HIPK3: variants seen among roughly 807,000 people sequenced by gnomAD.
HIPK3 encodes homeodomain interacting protein kinase 3.
HIPK3 carries 47 observed loss-of-function variants against 124.2 expected under a neutral mutation model. The observed-to-expected ratio is 0.38, with a 90% CI of 0.30 to 0.48. HIPK3 has a LOEUF of 0.48. HIPK3 is among the 20% of genes least tolerant of loss of function. HIPK3 has a pLI of 0.98. For synonymous variants in HIPK3, 482 were observed against 515.2 expected (o/e 0.94, Z 0.87); for missense variants, 1,286 against 1,454.3 (o/e 0.88, Z 1.88).
In HIPK3 at chr11:33,349,216, T is replaced by C. The variant is rs1345943443; in HGVS notation, c.2736T>C (p.Ser912=). ...TLNIDRMCSL[S]SPDSTLSTSS... ...ATATTGATCGGATGTGTTCATTAAG[T>C]AGTCCTGATAGTACTCTGAGTACCA... Residue 912 remains serine, a synonymous_variant, in exon 14 of 17, where the codon AGT becomes AGC. Transcript: ENST00000303296. 6.2e-7 allele frequency: 1 copy of C among 1,613,480 alleles called. No individual in the cohort carries two copies. Among genetic ancestry groups the C allele is most frequent in the Non-Finnish European group, 8.5e-7 (1 of 1,179,500 alleles).
chr11:33,302,499 G>A (rs537469088), intron 2 of HIPK3, among the ~76,000 whole-genome samples: 1 of 152,020 alleles, frequency 6.6e-6, no homozygotes, highest in East Asian at 1.9e-4. Context: ...ATCACACCTG[G>A]CTAATTTTTG....
intron 2 of HIPK3, among the ~76,000 whole-genome samples, chr11:33,321,674 G>A (rs1470280569): frequency 6.6e-6 from 1 of 152,180 alleles, no homozygotes; most frequent in Non-Finnish European, 1.5e-5. Flanking sequence ...GTGGATGTTT[G>A]AAAAGAGGAA....
At chr11:33,297,700 T>G (rs1024771806) in intron 2 of HIPK3, among the ~76,000 whole-genome samples, 1 of 151,904 alleles carries the variant, frequency 6.6e-6, no homozygotes, top group African/African-American at 2.4e-5. Context: ...AACAGCTTTA[T>G]ATTGTAAGAT....
chr11:33,319,020 T>G (rs1397183181), intron 2 of HIPK3, among the ~76,000 whole-genome samples: 1 of 152,222 alleles, frequency 6.6e-6, no homozygotes, highest in Admixed American at 6.5e-5. Flanking sequence ...GGCAGTGTAT[T>G]TGTTATCTGT....
rs993776286 is a variant in HIPK3 at position 33,257,579 on chromosome 11, C to A, written c.-313C>A. 1.7e-5 allele frequency: 17 copies of A among 985,952 alleles called. No individual in the cohort carries two copies. Among genetic ancestry groups the A allele is most frequent in the Non-Finnish European group, 8.4e-6 (7 of 830,294 alleles). The allele number at this position is 985,952 out of a possible 1,614,324, so 61.1% of individuals were successfully genotyped here. ...CAGTAGCCGGAGGCCGACCGGCCTC[C>A]CACTACCCCTCGCCCTAGCCAAGCC... On this transcript the variant is annotated 5_prime_UTR_variant, in exon 1 of 17. Transcript: ENST00000303296.
At chr11:33,257,340 G>GGCCGAC (rs1850691670), upstream of HIPK3, 6 of 984,458 alleles carry the variant, frequency 6.1e-6, no homozygotes, top group African/African-American at 1.8e-5. Context: ...CGGTGGCCGA[G>GGCCGAC]GCCGACGAGC....
intron 1 of HIPK3, among the ~76,000 whole-genome samples, chr11:33,266,076 A>T (rs1207435547): frequency 6.7e-6 from 1 of 150,140 alleles, no homozygotes; most frequent in Admixed American, 6.7e-5. Context: ...AAAAAAAAAA[A>T]GAAAACAAAC....
At chr11:33,271,161 A>G (rs1050048974) in intron 1 of HIPK3, among the ~76,000 whole-genome samples, 7 of 152,216 alleles carry the variant, frequency 4.6e-5, no homozygotes, top group African/African-American at 1.7e-4. Flanking sequence ...ATAGCATTCT[A>G]AGTGTTTGTT....
chr11:33,269,979 G>T (rs550655857), intron 1 of HIPK3, among the ~76,000 whole-genome samples: 1 of 151,906 alleles, frequency 6.6e-6, no homozygotes, highest in South Asian at 2.1e-4. Flanking sequence ...CCTGTATATG[G>T]TTTTTTATTA....
chr11:33,328,714 G>A lies in HIPK3; in HGVS notation c.1221+81G>A, dbSNP rs867124404. Reference sequence around the variant, plus strand: ...CTTACAGGAACACATGGCTGCAGGTGTACAATACACTGGAAAGTCTTTTTA... The same window carrying A: ...CTTACAGGAACACATGGCTGCAGGTATACAATACACTGGAAAGTCTTTTTA... On this transcript the variant is annotated intron_variant, in intron 3 of 16. Transcript: ENST00000303296. 4 of 1,263,054 alleles carry A rather than the reference G, an allele frequency of 3.2e-6. No individual in the cohort carries two copies. The South Asian group carries it at 4.2e-5, about 13-fold the overall frequency. The allele number at this position is 1,263,054 out of a possible 1,614,324, so 78.2% of individuals were successfully genotyped here.
intron 4 of HIPK3, among the ~76,000 whole-genome samples, chr11:33,338,524 G>T (rs933500423): frequency 1.5e-4 from 23 of 152,190 alleles, no homozygotes; most frequent in African/African-American, 5.5e-4. Context: ...GAGCCGCCGT[G>T]CCCGGCCTAG....
intron 2 of HIPK3, among the ~76,000 whole-genome samples, chr11:33,314,109 A>T (rs572991697): frequency 6.6e-6 from 1 of 152,324 alleles, no homozygotes; most frequent in South Asian, 2.1e-4. Context: ...GGTATGAGCC[A>T]CTGCACCTGG....
intron 3 of HIPK3, among the ~76,000 whole-genome samples, chr11:33,336,002 C>T (rs968076446): frequency 5.3e-5 from 8 of 152,096 alleles, no homozygotes; most frequent in South Asian, 4.2e-4. Flanking sequence ...AAAATTCTTC[C>T]GTTCATGGAA....
chr11:33,340,888 TTTTTA>T, intron 6 of HIPK3, 75 bp from the exon 7 acceptor site: 3 of 821,932 alleles, frequency 3.6e-6, no homozygotes, highest in Non-Finnish European at 1.8e-6. Context: ...AGGAATAATT[TTTTTA>T]TTTTGTCAAT....
chr11:33,347,768 A>G lies in HIPK3; in HGVS notation c.2144+15A>G, dbSNP rs748122147. The G allele has an allele frequency of 3.7e-6, 6 of 1,613,174 alleles. No individual in the cohort carries two copies. Among genetic ancestry groups the G allele is most frequent in the Middle Eastern group, 1.6e-4 (1 of 6,076 alleles). Reference sequence around the variant, plus strand: ...GGAGACTGGGGGTAAGCTGAAAACAAAAGTACTTTGTGAATAGTTTGCAGA... The same window carrying G: ...GGAGACTGGGGGTAAGCTGAAAACAGAAGTACTTTGTGAATAGTTTGCAGA... On this transcript the variant is annotated intron_variant, in intron 10 of 16. Transcript: ENST00000303296.
intron 2 of HIPK3, among the ~76,000 whole-genome samples, chr11:33,319,856 T>C (rs1404125719): frequency 6.6e-6 from 1 of 152,214 alleles, no homozygotes; most frequent in African/African-American, 2.4e-5. Flanking sequence ...TATCAGTTAA[T>C]GACAAGTGCT....
rs1235109350 is a variant in HIPK3, at chr11:33,261,612, C to T, written c.-3+3723C>T. ...GTAGCATATTTTTAAAAAATCGAGT[C>T]TTCCCATTGATGAACATTTAGGTTG... On this transcript the variant is annotated intron_variant, in intron 1 of 16. Transcript: ENST00000303296. 2.6e-5 allele frequency among the ~76,000 whole-genome samples: 4 copies of T among 152,136 alleles called. No individual in the cohort carries two copies. The South Asian group carries it at 8.3e-4, about 32-fold the overall frequency.
chr11:33,299,374 A>T (rs1023599959), intron 2 of HIPK3, among the ~76,000 whole-genome samples: 15 of 151,868 alleles, frequency 9.9e-5, no homozygotes, highest in Admixed American at 9.8e-4. Flanking sequence ...CGGGAGGCTG[A>T]GGCAGGAGAA....
chr11:33,275,180 C>T (rs1459763429), intron 1 of HIPK3, among the ~76,000 whole-genome samples: 2 of 152,056 alleles, frequency 1.3e-5, no homozygotes, highest in Non-Finnish European at 2.9e-5. Flanking sequence ...GCTGGGATTG[C>T]AGTTGCGTGC....
Sources: allele counts gnomAD v4.1 joint callset (sites outside exome capture counted in the v4.1 genomes callset), GRCh38; gene constraint gnomAD v4.1.1; transcripts MANE v1.5; gene names NCBI Gene and HGNC (gene_info 2026-07-23, HGNC 2026-07-21).